Variants in MTUS2 observed in about 807,000 individuals in gnomAD.
The protein encoded by MTUS2 is microtubule associated scaffold protein 2.
MTUS2 carries 40 observed loss-of-function variants against 114.1 expected under a neutral mutation model. The ratio of observed to expected loss-of-function variants is 0.35; its 90% CI spans 0.27 to 0.46. The LOEUF (loss-of-function observed/expected upper bound fraction) is 0.46, where lower values mean the gene tolerates loss of function less well. Among genes scored for constraint, MTUS2 ranks in the 20% least tolerant of loss-of-function variants. The pLI is 1.00. For missense variants in MTUS2, 1,679 were observed against 1,705.4 expected, an observed-to-expected ratio of 0.98 and a Z score of 0.27; for synonymous variants, 688 against 672.0, an observed-to-expected ratio of 1.02 and a Z score of -0.37.
At chr13:28,938,251 G>A (rs564671342) in intron 2 of MTUS2, among the ~76,000 whole-genome samples, 264 of 151,938 alleles carry the variant, frequency 1.7e-3, no homozygotes, top group South Asian at 2.5e-3. Context: ...GCATGGTGTC[G>A]CGTGCCTGTA....
chr13:29,319,514 C>A (rs2139666418), intron 6 of MTUS2, among the ~76,000 whole-genome samples: 1 of 152,296 alleles, frequency 6.6e-6, no homozygotes, highest in African/African-American at 2.4e-5. Context: ...GTAAATCCAG[C>A]AAAATTCCCG....
At chr13:28,931,856 G>A (rs1289502612) in intron 2 of MTUS2, among the ~76,000 whole-genome samples, 2 of 152,030 alleles carry the variant, frequency 1.3e-5, no homozygotes, top group African/African-American at 4.8e-5. Flanking sequence ...AGTCCCCGTT[G>A]TGTGATGTTC....
chr13:29,114,031 G>A (rs1249954277), intron 5 of MTUS2, among the ~76,000 whole-genome samples: 4 of 152,082 alleles, frequency 2.6e-5, no homozygotes, highest in South Asian at 4.2e-4. Flanking sequence ...GCTCTTGTTC[G>A]GACTGTGTGA....
chr13:29,285,266 C>G (rs991895043), intron 6 of MTUS2, among the ~76,000 whole-genome samples: 3 of 151,100 alleles, frequency 2.0e-5, no homozygotes, highest in African/African-American at 7.3e-5. Flanking sequence ...ATTTTAAAAT[C>G]TGGTAAATAA....
chr13:29,083,081 C>T (rs1889518149), intron 4 of MTUS2, among the ~76,000 whole-genome samples: 1 of 152,110 alleles, frequency 6.6e-6, no homozygotes, highest in Admixed American at 6.5e-5. Context: ...CTGGGCTTCC[C>T]TTACTATTTT....
intron 12 of MTUS2, among the ~76,000 whole-genome samples, chr13:29,493,348 A>G (rs928247802): frequency 1.3e-5 from 2 of 152,122 alleles, no homozygotes; most frequent in African/African-American, 4.8e-5. Flanking sequence ...GTGAAAAGAC[A>G]TTGACAACCC....
chr13:29,083,419 G>A (rs1030347246), intron 4 of MTUS2, among the ~76,000 whole-genome samples: 4 of 152,196 alleles, frequency 2.6e-5, no homozygotes, highest in African/African-American at 9.6e-5. Flanking sequence ...CCTGTGGGTG[G>A]CCACCAGCTA....
rs565279034 is a variant in MTUS2 at position 29,504,814 on chromosome 13, C to T, written c.*1608C>T. 1.7e-5 allele frequency: 4 copies of T among 233,050 alleles called. No individual in the cohort carries two copies. The highest frequency in any genetic ancestry group is 3.6e-4 in the South Asian group (2 of 5,528). The allele number at this position is 233,050 out of a possible 1,614,324, so 14.4% of individuals were successfully genotyped here. The stretch of plus-strand genomic sequence containing the variant: ...AGCACAGGCCTGTCTTTGAGCGTGC[C>T]CAAGGCGAGAAGAACCATGAGGGGG... On this transcript the variant is annotated 3_prime_UTR_variant, in exon 16 of 16. Coordinates refer to ENST00000612955, the MANE Select transcript of MTUS2 (RefSeq NM_001033602.4).
intron 8 of MTUS2, among the ~76,000 whole-genome samples, chr13:29,373,969 A>T (rs1871384541): frequency 6.6e-6 from 1 of 152,234 alleles, no homozygotes; most frequent in Non-Finnish European, 1.5e-5. Context: ...TGCTTCAGGA[A>T]GTACAAGCAG....
At chr13:29,311,006 A>G (rs1213070463) in intron 6 of MTUS2, among the ~76,000 whole-genome samples, 1 of 152,240 alleles carries the variant, frequency 6.6e-6, no homozygotes, top group East Asian at 1.9e-4. Context: ...GAATAAATGA[A>G]TCTATTGTGA....
chr13:29,217,284 G>T (rs1253668416), intron 5 of MTUS2, among the ~76,000 whole-genome samples: 1 of 151,900 alleles, frequency 6.6e-6, no homozygotes, highest in African/African-American at 2.4e-5. Context: ...CATTATTTTT[G>T]AAATATATTC....
At chr13:29,211,524 C>T (rs919819024) in intron 5 of MTUS2, among the ~76,000 whole-genome samples, 87 of 152,384 alleles carry the variant, frequency 5.7e-4, no homozygotes, top group Admixed American at 5.6e-3. Flanking sequence ...TTCCTTCTCC[C>T]TGTGATCTTT....
chr13:29,401,850 G>C lies in MTUS2; in HGVS notation c.3118-38133G>C, dbSNP rs986081237. Among the ~76,000 whole-genome samples the C allele has an allele frequency of 2.0e-5, 3 of 152,174 alleles. No homozygotes were observed. The South Asian group carries it at 6.2e-4, about 32-fold the overall frequency. On this transcript the variant is annotated intron_variant, in intron 8 of 15. Coordinates refer to ENST00000612955, the MANE Select transcript of MTUS2 (RefSeq NM_001033602.4). ...TCTTACATTTTCTCCTCCAGTTGAA[G>C]TGTGAAAACAACCTGTCAAATTTGA...
At chr13:29,439,650 C>T (rs895011353) in intron 8 of MTUS2, among the ~76,000 whole-genome samples, 2 of 152,068 alleles carry the variant, frequency 1.3e-5, no homozygotes, top group Admixed American at 6.5e-5. Context: ...TAATAATAAA[C>T]ACTGTACAAT....
chr13:28,914,080 AG>A (rs1880609491), intron 2 of MTUS2, among the ~76,000 whole-genome samples: 1 of 151,714 alleles, frequency 6.6e-6, no homozygotes, highest in African/African-American at 2.4e-5. Context: ...GTTTTTTTGA[AG>A]GGTTTTTTGT....
chr13:29,325,042 A>C (rs1900422098), intron 7 of MTUS2, among the ~76,000 whole-genome samples: 1 of 152,268 alleles, frequency 6.6e-6, no homozygotes, highest in African/African-American at 2.4e-5. Context: ...TCTAAAAGGA[A>C]GAAGAACAGA....
chr13:29,373,597 G>A lies in MTUS2; in HGVS notation c.3117+14124G>A, dbSNP rs1049866025. 2.0e-5 allele frequency among the ~76,000 whole-genome samples: 3 copies of A among 152,166 alleles called. No individual in the cohort carries two copies. In the South Asian group the frequency reaches 6.2e-4, roughly 32 times the overall value. Reference sequence around the variant, plus strand: ...TGAACTACAGAGCAAACCATCACCAGAGTGCTAGACTGGCCATTGTGGGAG... The same window carrying A: ...TGAACTACAGAGCAAACCATCACCAAAGTGCTAGACTGGCCATTGTGGGAG... On this transcript the variant is annotated intron_variant, in intron 8 of 15. Transcript: ENST00000612955.
chr13:29,203,222 A>G (rs1043460094), intron 5 of MTUS2, among the ~76,000 whole-genome samples: 1 of 152,284 alleles, frequency 6.6e-6, no homozygotes, highest in Admixed American at 6.5e-5. Flanking sequence ...GAGAGGAGGA[A>G]TCTAGAGAGG....
intron 5 of MTUS2, among the ~76,000 whole-genome samples, chr13:29,258,085 A>G (rs551237020): frequency 6.6e-6 from 1 of 152,342 alleles, no homozygotes; most frequent in Non-Finnish European, 1.5e-5. Flanking sequence ...AAAAACACCT[A>G]TTGAGTAGCT....
Sources: gnomAD v4.1 joint callset for allele counts (sites outside exome capture counted in the v4.1 genomes callset) on GRCh38, gnomAD v4.1.1 for gene constraint, MANE v1.5 for transcripts, NCBI Gene and HGNC (gene_info 2026-07-23, HGNC 2026-07-21) for gene names.